Variants in SAMD4A observed in about 807,000 individuals in gnomAD.
The protein encoded by SAMD4A is sterile alpha motif domain containing 4A.
A neutral mutation model predicts 81.3 loss-of-function variants in SAMD4A; 33 were observed. The observed-to-expected ratio is 0.41, with a 90% CI of 0.31 to 0.54. SAMD4A has a LOEUF of 0.54. Among genes scored for constraint, SAMD4A ranks in the 20% least tolerant of loss-of-function variants. SAMD4A has a pLI of 0.37. For missense variants in SAMD4A, 854 were observed against 951.1 expected, an observed-to-expected ratio of 0.90 and a Z score of 1.34; for synonymous variants, 389 against 382.1, an observed-to-expected ratio of 1.02 and a Z score of -0.21.
chr14:54,784,273 G>C, intron 11 of SAMD4A: 3 of 1,279,320 alleles, frequency 2.3e-6, no homozygotes, highest in South Asian at 1.3e-5. Context: ...GGCCGCTGGA[G>C]GGTTCTGAGC....
intron 2 of SAMD4A, among the ~76,000 whole-genome samples, chr14:54,619,969 TC>T (rs1486608200): frequency 4.0e-4 from 61 of 152,272 alleles, no homozygotes; most frequent in African/African-American, 1.4e-3. Context: ...ACTTTTTTTT[TC>T]TTTTTTTTAA....
intron 9 of SAMD4A, among the ~76,000 whole-genome samples, 187 bp downstream of exon 9, chr14:54,770,409 C>T (rs2038669477): frequency 6.6e-6 from 1 of 152,212 alleles, no homozygotes; most frequent in South Asian, 2.1e-4. Context: ...TGAGCATTCC[C>T]AGGCGAAGAG....
At chr14:54,613,855 C>T (rs528327333) in intron 2 of SAMD4A, among the ~76,000 whole-genome samples, 1 of 152,206 alleles carries the variant, frequency 6.6e-6, no homozygotes, top group South Asian at 2.1e-4. Flanking sequence ...TTCACAATAA[C>T]GCTAAGACAT....
At chr14:54,758,521 T>TG (rs2038305214) in intron 6 of SAMD4A, among the ~76,000 whole-genome samples, 1 of 152,318 alleles carries the variant, frequency 6.6e-6, no homozygotes, top group South Asian at 2.1e-4. Context: ...CTTGCTATTC[T>TG]GAGCTCTCAG....
chr14:54,587,938 T>C (rs946040477), intron 2 of SAMD4A, among the ~76,000 whole-genome samples: 2 of 152,246 alleles, frequency 1.3e-5, no homozygotes, highest in African/African-American at 4.8e-5. Flanking sequence ...TCTCTATCTT[T>C]TGGAATAGTG....
rs2039277830 is a variant in SAMD4A, at chr14:54,792,560, C to T, written c.*3616C>T. On this transcript the variant is annotated 3_prime_UTR_variant, in exon 13 of 13. Transcript: ENST00000554335. ...AGGGGAGGAAAAGCAGGCCTGGCCT[C>T]ATTGGTCCCCTGGAGATGTCTGTAG... 1 of 152,170 alleles carries T rather than the reference C, an allele frequency of 6.6e-6. No homozygotes were observed. Among genetic ancestry groups the T allele is most frequent in the African/African-American group, 2.4e-5 (1 of 41,428 alleles). 9.4% of individuals were successfully genotyped at this position (152,170 alleles called of 1,614,324 possible).
chr14:54,736,984 G>T (rs761793389), intron 3 of SAMD4A, 40 bp from the exon 4 acceptor site: 2 of 1,587,610 alleles, frequency 1.3e-6, no homozygotes, highest in African/African-American at 2.7e-5. Flanking sequence ...CCAGGATAAA[G>T]GGGGGGGAAT....
Position 54,702,512 on chromosome 14 carries a change from A to G in SAMD4A, c.647A>G (p.His216Arg). The part of the protein sequence containing the change: ...QDKSMGCENG[H>R]VPLYSSSSVP... ...AAAAGCATGGGGTGTGAGAATGGCC[A>G]TGTGCCCCTCTACTCCTCCTCATCT... The change falls in exon 3 of 13, where the codon CAT becomes CGT. Residue 216 changes from histidine to arginine, a missense_variant. By Grantham distance (29) the His-to-Arg change is conservative (BLOSUM62 0). Around this residue, in one of 3 missense-constraint regions of SAMD4A, gnomAD observed 387 missense variants for 405.8 expected, o/e 0.95. Coordinates refer to ENST00000554335, the MANE Select transcript of SAMD4A (RefSeq NM_015589.6). 1.9e-6 allele frequency: 3 copies of G among 1,614,174 alleles called. No individual in the cohort carries two copies. Among genetic ancestry groups the G allele is most frequent in the South Asian group, 1.1e-5 (1 of 91,086 alleles).
At chr14:54,728,540 G>GTT (rs201045779) in intron 3 of SAMD4A, among the ~76,000 whole-genome samples, 1 of 148,806 alleles carries the variant, frequency 6.7e-6, no homozygotes, top group African/African-American at 2.5e-5. Flanking sequence ...TCAAATTCTG[G>GTT]TTTTTTTTTT....
At chr14:54,701,315 A>C (rs1223642605) in intron 2 of SAMD4A, among the ~76,000 whole-genome samples, 1 of 152,136 alleles carries the variant, frequency 6.6e-6, no homozygotes, top group Non-Finnish European at 1.5e-5. Context: ...GAATGTTCCT[A>C]ATGCCACTGA....
chr14:54,619,708 T>C (rs10148216), intron 2 of SAMD4A, among the ~76,000 whole-genome samples: 9,987 of 152,238 alleles, frequency 0.066, 456 homozygotes, highest in East Asian at 0.13. Context: ...GTTCTCATCA[T>C]GTAGCTCCCA....
chr14:54,742,179 T>G (rs933562852), intron 4 of SAMD4A, among the ~76,000 whole-genome samples: 3 of 151,872 alleles, frequency 2.0e-5, no homozygotes, highest in African/African-American at 7.3e-5. Context: ...AAAGGAGTAT[T>G]CGGGGTTCTT....
At chr14:54,704,181 C>T (rs768113214) in intron 3 of SAMD4A, among the ~76,000 whole-genome samples, 5 of 152,210 alleles carry the variant, frequency 3.3e-5, no homozygotes, top group African/African-American at 1.2e-4. Flanking sequence ...TCTGATGACA[C>T]TGTCTTTCAC....
intron 2 of SAMD4A, among the ~76,000 whole-genome samples, chr14:54,643,386 C>A (rs1355626465): frequency 1.3e-5 from 2 of 152,220 alleles, no homozygotes; most frequent in African/African-American, 2.4e-5. Context: ...ATCTTTGATG[C>A]TTAGGTTTCA....
At position 54,790,757 on chromosome 14, in the gene SAMD4A, T is replaced by G. The variant is rs1300460281; in HGVS notation, c.*1813T>G. ...ATCAGACTATGGAAATCACTGCCCT[T>G]TTTTTTTTAAAAGCTAATGAACTAC... On this transcript the variant is annotated 3_prime_UTR_variant, in exon 13 of 13. Transcript: ENST00000554335. 6.7e-6 allele frequency: 1 copy of G among 150,244 alleles called. No homozygotes were observed. The highest frequency in any genetic ancestry group is 2.4e-5 in the African/African-American group (1 of 40,824). The allele number at this position is 150,244 out of a possible 1,614,324, so 9.3% of individuals were successfully genotyped here. A position where few individuals can be genotyped will look rare whatever the true frequency, so the allele number is the denominator to read the frequency against.
chr14:54,761,177 C>T (rs1323575622), intron 7 of SAMD4A, among the ~76,000 whole-genome samples: 1 of 152,226 alleles, frequency 6.6e-6, no homozygotes, highest in Non-Finnish European at 1.5e-5. Context: ...CCGTGCTTTA[C>T]CTATAGAGCT....
At chr14:54,691,374 A>AG (rs1476778797) in intron 2 of SAMD4A, among the ~76,000 whole-genome samples, 10 of 152,130 alleles carry the variant, frequency 6.6e-5, no homozygotes, top group African/African-American at 1.9e-4. Context: ...ATTCTGGTCC[A>AG]GCCACTGAGC....
At chr14:54,784,991 G>C (rs1473865814) in intron 12 of SAMD4A, among the ~76,000 whole-genome samples, 1 of 152,200 alleles carries the variant, frequency 6.6e-6, no homozygotes, top group African/African-American at 2.4e-5. Flanking sequence ...GCTTTTAGTA[G>C]GAATATCCCG....
chr14:54,600,562 T>C (rs928348149), intron 2 of SAMD4A, among the ~76,000 whole-genome samples: 11 of 152,228 alleles, frequency 7.2e-5, no homozygotes, highest in African/African-American at 2.7e-4. Flanking sequence ...GCCCTCAATT[T>C]TCTAGACTAA....
Sources: allele counts gnomAD v4.1 joint callset (sites outside exome capture counted in the v4.1 genomes callset), GRCh38; gene constraint gnomAD v4.1.1; regional missense constraint gnomAD v4.1.1; transcripts MANE v1.5; gene names NCBI Gene and HGNC (gene_info 2026-07-23, HGNC 2026-07-21).